Variants in PIEZO2 observed in about 807,000 individuals in gnomAD.
PIEZO2 encodes the protein piezo-type mechanosensitive ion channel component 2.
A neutral mutation model predicts 337.3 loss-of-function variants in PIEZO2; 172 were observed. The ratio of observed to expected loss-of-function variants is 0.51; its 90% CI spans 0.45 to 0.58. The LOEUF (loss-of-function observed/expected upper bound fraction) is 0.58, where lower values mean the gene tolerates loss of function less well. Ranked by LOEUF, PIEZO2 falls within the 20% of genes least tolerant of loss-of-function variation. The pLI is 0.00. For missense variants in PIEZO2, 3,028 were observed against 3,391.3 expected, an observed-to-expected ratio of 0.89 and a Z score of 2.66; for synonymous variants, 1,251 against 1,228.5, an observed-to-expected ratio of 1.02 and a Z score of -0.38.
chr18:11,043,538 CTG>C (rs1273986610), intron 2 of PIEZO2, among the ~76,000 whole-genome samples: 1 of 152,018 alleles, frequency 6.6e-6, no homozygotes, highest in East Asian at 1.9e-4. Context: ...GATTTTTTCT[CTG>C]TAGGAGAGAG....
rs2033761759 is a variant in PIEZO2, at chr18:10,671,295, T to C, written c.*232A>G. 6 of 411,394 alleles carry C rather than the reference T, an allele frequency of 1.5e-5. No individual in the cohort carries two copies. The highest frequency in any genetic ancestry group is 3.7e-5 in the South Asian group (1 of 27,336). The allele number at this position is 411,394 out of a possible 1,614,324, so 25.5% of individuals were successfully genotyped here. Reference sequence around the variant, plus strand: ...ATGCGAGACACTGTTGACTAAAACATAAAGCAAGTAGCCCTGATTTCAGAG... The same window carrying C: ...ATGCGAGACACTGTTGACTAAAACACAAAGCAAGTAGCCCTGATTTCAGAG... On this transcript the variant is annotated 3_prime_UTR_variant, in exon 56 of 56. Transcript: ENST00000674853.
At chr18:10,702,246 A>G in intron 42 of PIEZO2, 75 bp from the exon 43 acceptor site, 1 of 1,372,992 alleles carries the variant, frequency 7.3e-7, no homozygotes, top group East Asian at 2.6e-5. Flanking sequence ...GGAAAGAGCA[A>G]TATAACAATT....
rs892077763 is a variant in PIEZO2, at chr18:10,815,940, C to T, written c.918-8666G>A. On this transcript the variant is annotated intron_variant, in intron 7 of 55. Transcript: ENST00000674853. This position sits in a 1 kb window ranked among gnomAD's most constrained non-coding sequence, Gnocchi z 4.1. ...GGTCCACAAAATTGCACCCAGCACA[C>T]GTCAGTGGAGTGGAAACATCATCAG... is the stretch of plus-strand genomic sequence containing the variant. 3.3e-5 allele frequency among the ~76,000 whole-genome samples: 5 copies of T among 152,156 alleles called. No homozygotes were observed. The highest frequency in any genetic ancestry group is 7.2e-5 in the African/African-American group (3 of 41,436).
chr18:10,703,499 C>A (rs9789103), intron 42 of PIEZO2, among the ~76,000 whole-genome samples: 8,612 of 152,254 alleles, frequency 0.057, 480 homozygotes, highest in East Asian at 0.22. Context: ...GAATTACTTA[C>A]AACCTACAAA....
chr18:10,691,768 A>AACACACACACACACACACACACACACAC lies in PIEZO2; in HGVS notation c.7191-386_7191-385insGTGTGTGTGTGTGTGTGTGTGTGTGTGT, dbSNP rs1339141004. On this transcript the variant is annotated intron_variant, in intron 47 of 55. Coordinates refer to ENST00000674853, the MANE Select transcript of PIEZO2 (RefSeq NM_001378183.1). ...ATATGATATATTAAAAATATATATAAACACACACACACACATATATATATA... is the reference window on the plus strand; with the variant it reads ...ATATGATATATTAAAAATATATATAAACACACACACACACACACACACACACACACACACACACACACATATATATATA... Among the ~76,000 whole-genome samples the AACACACACACACACACACACACACACAC allele has an allele frequency of 1.2e-3, 92 of 74,454 alleles. 28 individuals carry two copies. Among genetic ancestry groups the AACACACACACACACACACACACACACAC allele is most frequent in the South Asian group, 1.8e-3 (3 of 1,688 alleles). The allele number at this position is 74,454 out of a possible 152,430, so 48.8% of individuals were successfully genotyped here. A position where few individuals can be genotyped will look rare whatever the true frequency, so the allele number is the denominator to read the frequency against.
intron 3 of PIEZO2, among the ~76,000 whole-genome samples, chr18:10,972,172 CAA>C (rs71169963): frequency 1.1e-3 from 102 of 90,452 alleles, no homozygotes; most frequent in Admixed American, 2.7e-3. Flanking sequence ...GACTCCGCCT[CAA>C]AAAAAAAAAA....
intron 1 of PIEZO2, among the ~76,000 whole-genome samples, chr18:11,141,507 T>A (rs1225263283): frequency 6.6e-6 from 1 of 152,146 alleles, no homozygotes; most frequent in Non-Finnish European, 1.5e-5. Flanking sequence ...GCACAGAATG[T>A]AGAGCCACGC....
intron 1 of PIEZO2, among the ~76,000 whole-genome samples, chr18:11,113,100 C>T (rs533712211): frequency 3.3e-5 from 5 of 152,116 alleles, no homozygotes; most frequent in Non-Finnish European, 5.9e-5. Context: ...TATAAAGGGG[C>T]AATGTTGAAC....
chr18:10,906,617 G>A (rs1360914640), intron 4 of PIEZO2, among the ~76,000 whole-genome samples: 1 of 151,894 alleles, frequency 6.6e-6, no homozygotes, highest in Non-Finnish European at 1.5e-5. Flanking sequence ...CTGGAGTGCA[G>A]AGGGGCGATT....
chr18:10,874,035 C>T (rs1169515069), intron 4 of PIEZO2, among the ~76,000 whole-genome samples: 3 of 151,964 alleles, frequency 2.0e-5, no homozygotes, highest in Non-Finnish European at 4.4e-5. Flanking sequence ...GAAAGACAAC[C>T]TAGATAATTG....
At chr18:10,849,533 A>G (rs2041473118) in intron 7 of PIEZO2, among the ~76,000 whole-genome samples, 1 of 152,160 alleles carries the variant, frequency 6.6e-6, no homozygotes, top group Non-Finnish European at 1.5e-5. Flanking sequence ...TGCTTTGCTC[A>G]GGGCACCATC....
rs970738120 is a variant in PIEZO2 at position 10,945,456 on chromosome 18, T to C, written c.286+34079A>G. Among the ~76,000 whole-genome samples, 1 of 152,176 alleles carries C rather than the reference T, an allele frequency of 6.6e-6. No homozygotes were observed. The highest frequency in any genetic ancestry group is 1.5e-5 in the Non-Finnish European group (1 of 68,028). On this transcript the variant is annotated intron_variant, in intron 3 of 55. Transcript: ENST00000674853. This position sits in a 1 kb window ranked among gnomAD's most constrained non-coding sequence, Gnocchi z 4.0. Reference sequence around the variant, plus strand: ...AATCAAAAGGGTCTTGCCTCAGTAGTGGGGAAAAATGCCCATGGATTGAAA... The same window carrying C: ...AATCAAAAGGGTCTTGCCTCAGTAGCGGGGAAAAATGCCCATGGATTGAAA...
At chr18:11,030,684 C>T (rs1330130576) in intron 2 of PIEZO2, among the ~76,000 whole-genome samples, 3 of 152,110 alleles carry the variant, frequency 2.0e-5, no homozygotes. Flanking sequence ...CCCAGGCCTC[C>T]ATAGGGGACG....
chr18:10,841,138 C>T (rs922942487), intron 7 of PIEZO2, among the ~76,000 whole-genome samples: 1 of 152,034 alleles, frequency 6.6e-6, no homozygotes, highest in Non-Finnish European at 1.5e-5. Context: ...TGCCTTCCTG[C>T]TTGGAACAAT....
chr18:10,928,483 G>C (rs2031888033), intron 3 of PIEZO2, among the ~76,000 whole-genome samples: 1 of 152,204 alleles, frequency 6.6e-6, no homozygotes. Context: ...CCTTTTGAGG[G>C]GAGGGAGCCA....
chr18:10,677,719 C>T lies in PIEZO2; in HGVS notation c.8081+28G>A, dbSNP rs535545779. ...TACCAGCTGCATATACCTAACAAAG[C>T]TCTATTAGTAGGAAAAAATACACTT... On this transcript the variant is annotated intron_variant, in intron 53 of 55. Transcript: ENST00000674853. This position sits in a 1 kb window ranked among gnomAD's most constrained non-coding sequence, Gnocchi z 4.1. 1.0e-5 allele frequency: 16 copies of T among 1,602,450 alleles called. No homozygotes were observed. In the Admixed American group the frequency reaches 2.3e-4, roughly 23 times the overall value.
At chr18:11,024,742 G>C (rs2036469966) in intron 2 of PIEZO2, among the ~76,000 whole-genome samples, 1 of 151,778 alleles carries the variant, frequency 6.6e-6, no homozygotes, top group African/African-American at 2.4e-5. Context: ...CTGGATTCAA[G>C]TGATTCTCGT....
chr18:10,987,291 C>A (rs1343774552), intron 2 of PIEZO2, among the ~76,000 whole-genome samples: 3 of 152,120 alleles, frequency 2.0e-5, no homozygotes, highest in Non-Finnish European at 2.9e-5. Flanking sequence ...AAGCATCACA[C>A]TTTCTGATTT....
chr18:10,957,293 G>T (rs924408352), intron 3 of PIEZO2, among the ~76,000 whole-genome samples: 7 of 151,804 alleles, frequency 4.6e-5, no homozygotes, highest in African/African-American at 1.7e-4. Context: ...GCTACTTGGG[G>T]GGCTGAGGTA....
Sources: allele counts gnomAD v4.1 joint callset (sites outside exome capture counted in the v4.1 genomes callset), GRCh38; gene constraint gnomAD v4.1.1; non-coding constraint Gnocchi (gnomAD v3.1); transcripts MANE v1.5; gene names NCBI Gene and HGNC (gene_info 2026-07-23, HGNC 2026-07-21).